The following XKR9 variants were observed in gnomAD, a reference collection of about 807,000 sequenced individuals.
XKR9 encodes the protein XK-related protein 9.
Under a neutral mutation model 32.0 loss-of-function variants are expected in XKR9, and 32 were observed. That is an observed-to-expected ratio of 1.00 (90% confidence interval 0.76 to 1.34). The LOEUF (loss-of-function observed/expected upper bound fraction) is 1.34, where lower values mean the gene tolerates loss of function less well. Among genes scored for constraint, XKR9 ranks in the 40% most tolerant of loss-of-function variants. The probability of loss-of-function intolerance (pLI) is 0.00; values close to 1 mark genes in which losing one functional copy is unlikely to be tolerated. For missense variants in XKR9, 546 were observed against 429.7 expected (o/e 1.27, Z -2.39); for synonymous variants, 168 against 143.4 (o/e 1.17, Z -1.22).
At chr8:70,872,570 T>C in the XKR9 span, among the ~76,000 whole-genome samples, 151 of 152,332 alleles carry the variant, frequency 9.9e-4, 4 homozygotes, top group South Asian at 0.03. Flanking sequence ...GAAGATAGCT[T>C]CTAGGACTTT....
chr8:71,048,695 A>G, the XKR9 span, among the ~76,000 whole-genome samples: 188 of 152,352 alleles, frequency 1.2e-3, 1 homozygote, highest in African/African-American at 4.2e-3. Flanking sequence ...AGTAAAATAC[A>G]TATTCCATAT....
the XKR9 span, among the ~76,000 whole-genome samples, chr8:70,946,223 C>T: frequency 7.3e-4 from 111 of 152,270 alleles, no homozygotes; most frequent in Middle Eastern, 6.8e-3. Flanking sequence ...GTAGCTCTTT[C>T]CCAACTGTGC....
At chr8:70,850,463 C>CAAA in the XKR9 span, among the ~76,000 whole-genome samples, 22 of 73,888 alleles carry the variant, frequency 3.0e-4, no homozygotes, top group Admixed American at 6.4e-4. Flanking sequence ...GACTCCTTCT[C>CAAA]AAAAAAAAAA....
chr8:70,814,859 A>G, the XKR9 span, among the ~76,000 whole-genome samples: 5 of 152,240 alleles, frequency 3.3e-5, no homozygotes, highest in African/African-American at 1.2e-4. Context: ...TAGAGAGTCC[A>G]CAAAAACATT....
chr8:70,802,784 T>A, the XKR9 span, among the ~76,000 whole-genome samples: 8 of 152,070 alleles, frequency 5.3e-5, no homozygotes, highest in African/African-American at 1.9e-4. Flanking sequence ...TTTATTTTAT[T>A]TAAGAATGCT....
intron 2 of XKR9, among the ~76,000 whole-genome samples, chr8:70,742,849 T>C (rs1807007488): frequency 6.6e-6 from 1 of 152,148 alleles, no homozygotes; most frequent in African/African-American, 2.4e-5. Context: ...AGCTGTTGGT[T>C]TGCAGTTGTA....
At chr8:70,828,730 G>GAAAAAAAAAAAAA in the XKR9 span, among the ~76,000 whole-genome samples, 8 of 119,522 alleles carry the variant, frequency 6.7e-5, no homozygotes, top group Non-Finnish European at 8.5e-5. Context: ...CAAAAAAAAA[G>GAAAAAAAAAAAAA]AAAAAAAAAA....
the XKR9 span, among the ~76,000 whole-genome samples, chr8:71,054,925 C>A: frequency 2.6e-5 from 4 of 152,174 alleles, no homozygotes; most frequent in Non-Finnish European, 5.9e-5. Context: ...CTCAATCAGA[C>A]TTTCCTCAGC....
chr8:70,894,505 A>G, the XKR9 span, among the ~76,000 whole-genome samples: 2 of 152,112 alleles, frequency 1.3e-5, no homozygotes, highest in African/African-American at 4.8e-5. Context: ...ATGCCCAGCT[A>G]TTCAGCTCAG....
At chr8:70,755,259 A>G (rs1300193346) in intron 2 of XKR9, among the ~76,000 whole-genome samples, 1 of 152,182 alleles carries the variant, frequency 6.6e-6, no homozygotes, top group Non-Finnish European at 1.5e-5. Flanking sequence ...TCAGGAAACA[A>G]CAGGTGCTGG....
At chr8:71,012,409 C>T in the XKR9 span, among the ~76,000 whole-genome samples, 5 of 152,136 alleles carry the variant, frequency 3.3e-5, no homozygotes, top group Non-Finnish European at 7.4e-5. Context: ...TGAGGGTGAA[C>T]AGGATTCCAG....
chr8:70,788,322 T>C (rs893762114), intron 2 of XKR9, among the ~76,000 whole-genome samples: 1 of 152,158 alleles, frequency 6.6e-6, no homozygotes, highest in Non-Finnish European at 1.5e-5. Context: ...TAATTGTCAG[T>C]TGTTGCAACT....
the XKR9 span, among the ~76,000 whole-genome samples, chr8:70,979,299 C>T: frequency 6.6e-6 from 1 of 152,194 alleles, no homozygotes; most frequent in East Asian, 1.9e-4. Flanking sequence ...AGCTGCAATC[C>T]TTTGGAGGAG....
chr8:70,752,373 TTGAG>T (rs771188028), intron 2 of XKR9, among the ~76,000 whole-genome samples: 2 of 152,222 alleles, frequency 1.3e-5, no homozygotes, highest in Non-Finnish European at 2.9e-5. Flanking sequence ...TGGTTCAAGA[TTGAG>T]TGGCCACATC....
the XKR9 span, among the ~76,000 whole-genome samples, chr8:70,930,344 G>A: frequency 6.6e-6 from 1 of 152,152 alleles, no homozygotes; most frequent in South Asian, 2.1e-4. Context: ...GAAGGGCTAG[G>A]ATGAAAGAAC....
At chr8:70,869,431 G>T in the XKR9 span, among the ~76,000 whole-genome samples, 2 of 152,158 alleles carry the variant, frequency 1.3e-5, no homozygotes, top group Non-Finnish European at 2.9e-5. Flanking sequence ...GAGGACTTGT[G>T]CAGGCAAACT....
chr8:70,918,178 C>A, the XKR9 span, among the ~76,000 whole-genome samples: 1 of 152,184 alleles, frequency 6.6e-6, no homozygotes, highest in African/African-American at 2.4e-5. Context: ...GGTTTGTCCT[C>A]ACCAAGCAGC....
At chr8:70,780,296 C>G (rs1434029054) in intron 2 of XKR9, among the ~76,000 whole-genome samples, 1 of 151,232 alleles carries the variant, frequency 6.6e-6, no homozygotes, top group East Asian at 1.9e-4. Context: ...CCTTCTTTTC[C>G]TAGCTCTTTA....
the XKR9 span, among the ~76,000 whole-genome samples, chr8:70,874,190 T>C: frequency 1.3e-5 from 2 of 152,344 alleles, no homozygotes; most frequent in East Asian, 3.9e-4. Flanking sequence ...ACTTACTTTA[T>C]TGTGATATTT....
Sources: gnomAD v4.1 joint callset for allele counts (sites outside exome capture counted in the v4.1 genomes callset) on GRCh38, gnomAD v4.1.1 for gene constraint, MANE v1.5 for transcripts, NCBI Gene and HGNC (gene_info 2026-07-23, HGNC 2026-07-21) for gene names.